Variants in USP24 observed in about 807,000 individuals in gnomAD.
The protein encoded by USP24 is ubiquitin specific peptidase 24.
A neutral mutation model predicts 361.6 loss-of-function variants in USP24; 97 were observed. The observed-to-expected ratio is 0.27, with a 90% CI of 0.23 to 0.32. The LOEUF is 0.32. Among genes scored for constraint, USP24 ranks in the 10% least tolerant of loss-of-function variants. The pLI, the probability that USP24 is intolerant of heterozygous loss-of-function variation, is 1.00. For missense variants in USP24, 2,353 were observed against 3,165.6 expected, an observed-to-expected ratio of 0.74 and a Z score of 6.16; for synonymous variants, 1,098 against 1,124.6, an observed-to-expected ratio of 0.98 and a Z score of 0.47.
At chr1:55,119,529 C>T (rs1646217888) in intron 38 of USP24, among the ~76,000 whole-genome samples, 1 of 151,844 alleles carries the variant, frequency 6.6e-6, no homozygotes, top group African/African-American at 2.4e-5. Flanking sequence ...TACTTAATGT[C>T]GCGGAATTGT....
chr1:55,095,483 C>A, intron 50 of USP24, 87 bp from the exon 51 acceptor site: 1 of 1,415,892 alleles, frequency 7.1e-7, no homozygotes, highest in South Asian at 1.4e-5. Context: ...ATTATTCCAG[C>A]AAGTAGTTAA....
intron 48 of USP24, 48 bp downstream of exon 48, chr1:55,097,550 G>A: frequency 6.6e-7 from 1 of 1,520,324 alleles, no homozygotes; most frequent in Non-Finnish European, 8.8e-7. Flanking sequence ...AAAGAAGTGA[G>A]TGAGGAAATG....
chr1:55,136,226 G>C (rs1646731252), intron 28 of USP24, among the ~76,000 whole-genome samples: 1 of 152,160 alleles, frequency 6.6e-6, no homozygotes, highest in Non-Finnish European at 1.5e-5. Context: ...ACCTGCATCA[G>C]GAAAGAACAG....
intron 64 of USP24, among the ~76,000 whole-genome samples, chr1:55,073,492 G>A (rs1251564673): frequency 1.3e-5 from 2 of 152,182 alleles, no homozygotes; most frequent in Non-Finnish European, 2.9e-5. Flanking sequence ...AGAGCCTGAA[G>A]AGCTGGTAGC....
intron 24 of USP24, 95 bp from the exon 25 acceptor site, chr1:55,139,105 A>G: frequency 9.1e-7 from 1 of 1,100,902 alleles, no homozygotes; most frequent in Non-Finnish European, 1.3e-6. Context: ...AATAACAGTT[A>G]GCACTCACTG....
chr1:55,123,713 A>C, intron 35 of USP24, 111 bp from the exon 36 acceptor site: 1 of 1,134,746 alleles, frequency 8.8e-7, no homozygotes, highest in Admixed American at 3.6e-5. Context: ...TACTTCAAGA[A>C]AGCACTTAGG....
chr1:55,208,394 G>A (rs1466597607), intron 1 of USP24, among the ~76,000 whole-genome samples: 1 of 152,196 alleles, frequency 6.6e-6, no homozygotes, highest in Non-Finnish European at 1.5e-5. Context: ...TTGGGAGGCT[G>A]AGGTTGGCGG....
intron 61 of USP24, 29 bp from the exon 62 acceptor site, chr1:55,077,329 T>C: frequency 4.7e-6 from 7 of 1,494,864 alleles, no homozygotes; most frequent in Non-Finnish European, 6.3e-6. Context: ...GCATAAAAAC[T>C]TCAGTGGAAA....
At chr1:55,087,132 AT>A (rs1645268860) in intron 55 of USP24, among the ~76,000 whole-genome samples, 2 of 152,222 alleles carry the variant, frequency 1.3e-5, no homozygotes, top group Non-Finnish European at 1.5e-5. Context: ...ATATATACTT[AT>A]TTTTTAGTTG....
chr1:55,178,018 C>T lies in USP24; in HGVS notation c.439G>A (p.Glu147Lys). 2 of 1,551,662 alleles carry T rather than the reference C, an allele frequency of 1.3e-6. No individual in the cohort carries two copies. The highest frequency in any genetic ancestry group is 2.4e-5 in the South Asian group (2 of 84,060). ...TDHWSIPYKR[E>K]ESLGKCLLAS... ...AACAGGCATTTGCCTAGTGATTCTT[C>T]TCGCTTGTAAGGGATGGACCAATGA... is the stretch of plus-strand genomic sequence containing the variant. The change falls in exon 2 of 68, where the codon GAA (glutamate) becomes AAA (lysine). Residue 147 changes from glutamate to lysine, a missense_variant. This residue lies in a region of USP24 where 253 missense variants were observed against 255.3 expected (regional missense o/e 0.99). Transcript: ENST00000294383.
chr1:55,140,197 C>T (rs778918725), intron 24 of USP24, among the ~76,000 whole-genome samples: 2 of 151,382 alleles, frequency 1.3e-5, no homozygotes, highest in African/African-American at 2.4e-5. Flanking sequence ...GAAATGATTC[C>T]GAATAAAAAG....
intron 38 of USP24, among the ~76,000 whole-genome samples, chr1:55,116,157 TA>T (rs1317207082): frequency 1.3e-5 from 2 of 152,046 alleles, no homozygotes; most frequent in African/African-American, 4.8e-5. Flanking sequence ...TCCCAGAACT[TA>T]AAGTATAATT....
intron 20 of USP24, among the ~76,000 whole-genome samples, chr1:55,145,536 T>C (rs1647005035): frequency 6.6e-6 from 1 of 152,206 alleles, no homozygotes; most frequent in African/African-American, 2.4e-5. Flanking sequence ...GGTATAGGTT[T>C]ATTTTTGGGG....
intron 67 of USP24, chr1:55,071,333 T>C: frequency 1.0e-6 from 1 of 992,544 alleles, no homozygotes; most frequent in Non-Finnish European, 1.2e-6. Flanking sequence ...TAATGATTGG[T>C]ATTAAAGCTG....
chr1:55,098,144 T>C lies in USP24; in HGVS notation c.5454-60A>G, dbSNP rs1570395182. ...AATGGAATTTAAAACTCTTCAATTATCATAATACCTAAGCTTGAACACAGA... is the reference window on the plus strand; with the variant it reads ...AATGGAATTTAAAACTCTTCAATTACCATAATACCTAAGCTTGAACACAGA... On this transcript the variant is annotated intron_variant, in intron 46 of 67. Transcript: ENST00000294383. The C allele has an allele frequency of 8.1e-6, 12 of 1,482,488 alleles. No homozygotes were observed. In the East Asian group the frequency reaches 2.8e-4, roughly 35 times the overall value. The allele number at this position is 1,482,488 out of a possible 1,614,324, so 91.8% of individuals were successfully genotyped here.
Position 55,154,122 on chromosome 1 carries a change from C to T in USP24, c.1809G>A (p.Lys603=). 2 of 1,613,510 alleles carry T rather than the reference C, an allele frequency of 1.2e-6. No individual in the cohort carries two copies. Among genetic ancestry groups the T allele is most frequent in the Non-Finnish European group, 1.7e-6 (2 of 1,179,638 alleles). ...SYIIKCIEDI[K]RPGEWSGLEK... ...TCAGATAAAAGCTGAAACCAACCCT[C>T]TTAATATCTTCTATGCACTTGATGA... The change falls in exon 15 of 68, where the codon AAG becomes AAA. Residue 603 remains lysine (K), a synonymous_variant. Coordinates refer to ENST00000294383, the MANE Select transcript of USP24 (RefSeq NM_015306.3).
intron 1 of USP24, among the ~76,000 whole-genome samples, chr1:55,191,494 CTT>C (rs34179339): frequency 7.0e-6 from 1 of 141,982 alleles, no homozygotes; most frequent in Non-Finnish European, 1.5e-5. Context: ...ATGGCACTTT[CTT>C]TTTTTTTTTT....
chr1:55,148,714 C>G, intron 16 of USP24, 144 bp from the exon 17 acceptor site: 1 of 597,308 alleles, frequency 1.7e-6, no homozygotes, highest in Non-Finnish European at 2.9e-6. Context: ...TAGAGCTTAT[C>G]TCCATGCACT....
chr1:55,127,275 T>A (rs1646459083), intron 32 of USP24, among the ~76,000 whole-genome samples: 1 of 152,204 alleles, frequency 6.6e-6, no homozygotes, highest in Non-Finnish European at 1.5e-5. Flanking sequence ...TGTCCATGTG[T>A]TCTCATTGTT....
Sources: allele counts gnomAD v4.1 joint callset (sites outside exome capture counted in the v4.1 genomes callset), GRCh38; gene constraint gnomAD v4.1.1; regional missense constraint gnomAD v4.1.1; transcripts MANE v1.5; gene names NCBI Gene and HGNC (gene_info 2026-07-23, HGNC 2026-07-21).